Variants in R3HDM1 observed in about 807,000 individuals in gnomAD.
R3HDM1 encodes the protein R3H domain-containing protein 1.
In R3HDM1, 46 loss-of-function variants were observed where a neutral mutation model predicts 141.1. The ratio of observed to expected loss-of-function variants is 0.33; its 90% confidence interval spans 0.26 to 0.42. R3HDM1 has a LOEUF of 0.42. R3HDM1 is among the 10% of genes least tolerant of loss of function. R3HDM1 has a pLI of 1.00. For missense variants in R3HDM1, 1,184 were observed against 1,368.3 expected (o/e 0.87, Z 2.12); for synonymous variants, 435 against 472.9 (o/e 0.92, Z 1.04).
At chr2:135,711,719 G>A (rs1195884889) in intron 23 of R3HDM1, among the ~76,000 whole-genome samples, 6 of 151,170 alleles carry the variant, frequency 4.0e-5, no homozygotes, top group Non-Finnish European at 8.8e-5. Context: ...AGCACTTTGG[G>A]AGGCCAAAGC....
intron 1 of R3HDM1, chr2:135,587,010 T>G (rs574500386): frequency 2.0e-6 from 2 of 981,468 alleles, no homozygotes; most frequent in East Asian, 2.3e-4. Context: ...TCTACCCTTT[T>G]GGGGGAAGAG....
intron 21 of R3HDM1, among the ~76,000 whole-genome samples, chr2:135,699,064 GATTA>G (rs1349640636): frequency 3.3e-5 from 3 of 90,130 alleles, no homozygotes; most frequent in Non-Finnish European, 5.0e-5. Context: ...AAGATAGATT[GATTA>G]GATAGATTAG....
At chr2:135,681,647 G>T (rs552547993) in intron 21 of R3HDM1, among the ~76,000 whole-genome samples, 1 of 152,122 alleles carries the variant, frequency 6.6e-6, no homozygotes, top group East Asian at 1.9e-4. Flanking sequence ...AGAAAATGGC[G>T]TTAGCATGAT....
At chr2:135,670,524 T>C (rs2068180529) in intron 19 of R3HDM1, 1 of 543,572 alleles carries the variant, frequency 1.8e-6, no homozygotes, top group South Asian at 8.1e-5. Context: ...GAAAAAAGAT[T>C]TTGAAATAGT....
At chr2:135,623,895 A>G (rs2061740465) in intron 7 of R3HDM1, among the ~76,000 whole-genome samples, 1 of 152,218 alleles carries the variant, frequency 6.6e-6, no homozygotes, top group African/African-American at 2.4e-5. Flanking sequence ...AAGGGCCACA[A>G]CCTCTGAAAG....
At chr2:135,703,263 CTATT>C (rs2074474461) in intron 21 of R3HDM1, among the ~76,000 whole-genome samples, 1 of 152,178 alleles carries the variant, frequency 6.6e-6, no homozygotes, top group Admixed American at 6.5e-5. Flanking sequence ...TGCATCCTAC[CTATT>C]TATTAAATGG....
chr2:135,689,637 T>C (rs991541483), intron 21 of R3HDM1, among the ~76,000 whole-genome samples: 2 of 152,234 alleles, frequency 1.3e-5, no homozygotes, highest in Non-Finnish European at 2.9e-5. Flanking sequence ...CAGCTCATCC[T>C]TTCAGTTCAC....
In R3HDM1 at chr2:135,638,741, T is replaced by G. The variant is rs773881440; in HGVS notation, c.944T>G (p.Leu315Arg). The G allele has an allele frequency of 6.2e-7, 1 of 1,614,096 alleles. No homozygotes were observed. The highest frequency in any genetic ancestry group is 1.7e-5 in the Admixed American group (1 of 60,018). Residue 315 changes from leucine to arginine, a missense_variant and splice_region_variant, in exon 13 of 27, where the codon CTC becomes CGC. Transcript: ENST00000683871. ...SQENYIIDKR[L>R]QDEDASSTQQ... is the part of the protein sequence containing the mutation. ...ATGTCCTATTAAAATGCCAACAGAC[T>G]CCAAGACGAGGATGCCAGTAGTACC...
chr2:135,596,581 T>C (rs1190121675), intron 1 of R3HDM1, among the ~76,000 whole-genome samples: 2 of 152,182 alleles, frequency 1.3e-5, no homozygotes, highest in East Asian at 3.9e-4. Context: ...AATAGGTATA[T>C]ACTCTTCCCA....
At chr2:135,623,167 G>A (rs1193230632) in intron 7 of R3HDM1, 3 of 412,206 alleles carry the variant, frequency 7.3e-6, no homozygotes, top group South Asian at 2.0e-4. Flanking sequence ...TTTTTGAGGT[G>A]TTTATTTGAG....
At chr2:135,688,310 A>G (rs1000804462) in intron 21 of R3HDM1, among the ~76,000 whole-genome samples, 1 of 152,244 alleles carries the variant, frequency 6.6e-6, no homozygotes, top group African/African-American at 2.4e-5. Context: ...AATCAACAAT[A>G]CAGTACATCC....
intron 25 of R3HDM1, 86 bp from the exon 26 acceptor site, chr2:135,722,383 G>C (rs1013142390): frequency 9.4e-6 from 13 of 1,383,146 alleles, no homozygotes; most frequent in Non-Finnish European, 1.3e-5. Flanking sequence ...CCAAACTAAA[G>C]GTGTTTTGGT....
At chr2:135,649,135 G>A (rs1047236924) in intron 16 of R3HDM1, 1 of 150,878 alleles carries the variant, frequency 6.6e-6, no homozygotes, top group South Asian at 2.1e-4. Flanking sequence ...GCGCGACCTC[G>A]GCTCACTGCA....
At position 135,706,333 on chromosome 2, in the gene R3HDM1, G is replaced by T. The variant is rs192990196; in HGVS notation, c.2460-3100G>T. Reference sequence around the variant, plus strand: ...TAATACAGTTGAAAGTGGATATTTTGATTTTTTTTTTTAGTTTACATATCC... The same window carrying T: ...TAATACAGTTGAAAGTGGATATTTTTATTTTTTTTTTTAGTTTACATATCC... On this transcript the variant is annotated intron_variant, in intron 21 of 26. Transcript: ENST00000683871. 7.9e-3 allele frequency among the ~76,000 whole-genome samples: 1,129 copies of T among 142,792 alleles called. 35 individuals carry two copies. Among genetic ancestry groups the T allele is most frequent in the Admixed American group, 0.061 (914 of 14,940 alleles). The allele number at this position is 142,792 out of a possible 152,430, so 93.7% of individuals were successfully genotyped here. A position where few individuals can be genotyped will look rare whatever the true frequency, so the allele number is the denominator to read the frequency against.
At chr2:135,692,912 GC>G (rs2072667504) in intron 21 of R3HDM1, among the ~76,000 whole-genome samples, 1 of 152,124 alleles carries the variant, frequency 6.6e-6, no homozygotes, top group Non-Finnish European at 1.5e-5. Context: ...AATGGGTAAT[GC>G]CCCACTAGCA....
At chr2:135,622,846 A>T in intron 7 of R3HDM1, 114 bp downstream of exon 7, 2 of 1,341,570 alleles carry the variant, frequency 1.5e-6, no homozygotes, top group Non-Finnish European at 1.9e-6. Context: ...TTTGAAGTAC[A>T]CCAGAAACAT....
chr2:135,621,135 A>G (rs1234944903), intron 5 of R3HDM1, among the ~76,000 whole-genome samples: 1 of 152,020 alleles, frequency 6.6e-6, no homozygotes, highest in South Asian at 2.1e-4. Flanking sequence ...GATGATAATT[A>G]TGCTCTTGCT....
At chr2:135,686,966 A>G (rs1275038084) in intron 21 of R3HDM1, among the ~76,000 whole-genome samples, 2 of 152,200 alleles carry the variant, frequency 1.3e-5, no homozygotes, top group Admixed American at 6.5e-5. Flanking sequence ...TGGGAGGCCA[A>G]GGCAGGTGGA....
At chr2:135,576,984 G>A in intron 1 of R3HDM1, 1 of 546,316 alleles carries the variant, frequency 1.8e-6, no homozygotes, top group Non-Finnish European at 2.3e-6. Context: ...GACACTGAAT[G>A]AATTTAAATG....
Sources: allele counts gnomAD v4.1 joint callset (sites outside exome capture counted in the v4.1 genomes callset), GRCh38; gene constraint gnomAD v4.1.1; transcripts MANE v1.5; gene names NCBI Gene and HGNC (gene_info 2026-07-23, HGNC 2026-07-21).